The following CCSER1 variants were observed in gnomAD, a reference collection of about 807,000 sequenced individuals.
CCSER1 encodes coiled-coil serine rich protein 1.
A neutral mutation model predicts 82.0 loss-of-function variants in CCSER1; 41 were observed. That is an observed-to-expected ratio of 0.50 (90% confidence interval 0.39 to 0.65). CCSER1 has a LOEUF of 0.65. Ranked by LOEUF, CCSER1 falls within the 30% of genes least tolerant of loss-of-function variation. The pLI, the probability that CCSER1 is intolerant of heterozygous loss-of-function variation, is 0.00. For synonymous variants in CCSER1, 414 were observed against 383.9 expected (o/e 1.08, Z -0.92); for missense variants, 1,119 against 1,064.2 (o/e 1.05, Z -0.72).
intron 5 of CCSER1, among the ~76,000 whole-genome samples, chr4:90,604,851 A>G (rs1048926089): frequency 6.6e-6 from 1 of 152,186 alleles, no homozygotes; most frequent in African/African-American, 2.4e-5. Context: ...AAACACACCA[A>G]TCAGCACCCT....
intron 10 of CCSER1, among the ~76,000 whole-genome samples, chr4:91,322,283 CA>C (rs1746250378): frequency 6.6e-6 from 1 of 151,968 alleles, no homozygotes; most frequent in African/African-American, 2.4e-5. Flanking sequence ...GTGAGTGGCT[CA>C]ATTTAATTTT....
At chr4:91,350,211 TA>T (rs1748378428) in intron 10 of CCSER1, among the ~76,000 whole-genome samples, 2 of 152,334 alleles carry the variant, frequency 1.3e-5, no homozygotes, top group East Asian at 3.9e-4. Context: ...ATTTCTGTAT[TA>T]AATTGAATTT....
intron 10 of CCSER1, among the ~76,000 whole-genome samples, chr4:91,597,718 T>C (rs528606016): frequency 6.6e-6 from 1 of 152,268 alleles, no homozygotes; most frequent in Non-Finnish European, 1.5e-5. Flanking sequence ...TGTCTGTTTC[T>C]CTTCATTTTT....
At chr4:90,746,813 A>T (rs1366316976) in intron 7 of CCSER1, among the ~76,000 whole-genome samples, 1 of 152,194 alleles carries the variant, frequency 6.6e-6, no homozygotes, top group Non-Finnish European at 1.5e-5. Flanking sequence ...AATACACCAG[A>T]CTATTGTCTT....
At chr4:90,724,996 G>A in intron 7 of CCSER1, 4 of 436,752 alleles carry the variant, frequency 9.2e-6, no homozygotes, top group Non-Finnish European at 1.8e-5. Context: ...ACACTTTTTT[G>A]CTTAATGAGA....
intron 3 of CCSER1, among the ~76,000 whole-genome samples, chr4:90,334,553 C>CAAA (rs11393986): frequency 6.8e-6 from 1 of 147,456 alleles, no homozygotes. Flanking sequence ...ACTTTGCTGC[C>CAAA]AAAAAAAAAA....
At chr4:90,528,724 A>C (rs1354459224) in intron 5 of CCSER1, among the ~76,000 whole-genome samples, 1 of 152,212 alleles carries the variant, frequency 6.6e-6, no homozygotes, top group East Asian at 1.9e-4. Flanking sequence ...AGTAAATTTG[A>C]TTAAAATTTT....
intron 5 of CCSER1, among the ~76,000 whole-genome samples, chr4:90,591,406 T>C (rs914731351): frequency 1.3e-5 from 2 of 152,140 alleles, no homozygotes; most frequent in African/African-American, 2.4e-5. Context: ...AAAGAAGACA[T>C]TGATGCGGCC....
intron 10 of CCSER1, among the ~76,000 whole-genome samples, chr4:91,322,645 G>C (rs1272594467): frequency 1.3e-5 from 2 of 151,918 alleles, no homozygotes; most frequent in East Asian, 3.9e-4. Context: ...AAATTAAGGG[G>C]AAACATGAAC....
intron 7 of CCSER1, among the ~76,000 whole-genome samples, chr4:90,786,487 A>G (rs1754534979): frequency 7.2e-6 from 1 of 138,214 alleles, no homozygotes; most frequent in Non-Finnish European, 1.6e-5. Flanking sequence ...TACTGTAATC[A>G]TTTTACTCAA....
chr4:91,218,829 CTG>C (rs1363741094), intron 10 of CCSER1, among the ~76,000 whole-genome samples: 1 of 152,176 alleles, frequency 6.6e-6, no homozygotes, highest in African/African-American at 2.4e-5. Context: ...CTCCTGGAAA[CTG>C]TGATTGATTC....
chr4:91,184,720 C>A (rs1287563182), intron 10 of CCSER1, among the ~76,000 whole-genome samples: 1 of 152,158 alleles, frequency 6.6e-6, no homozygotes, highest in Non-Finnish European at 1.5e-5. Context: ...AAATTATTTC[C>A]TAATCTTTGG....
chr4:90,425,881 A>G (rs566551831), intron 4 of CCSER1, among the ~76,000 whole-genome samples: 2,689 of 152,232 alleles, frequency 0.018, 34 homozygotes, highest in African/African-American at 0.038. Context: ...GTAACAAATA[A>G]AGCTGTGCAG....
chr4:91,340,010 A>G (rs1747604698), intron 10 of CCSER1, among the ~76,000 whole-genome samples: 1 of 152,146 alleles, frequency 6.6e-6, no homozygotes, highest in Admixed American at 6.5e-5. Flanking sequence ...CCAGCAATTC[A>G]GTAGGCTGAG....
At chr4:90,683,520 T>C (rs778777420) in intron 6 of CCSER1, among the ~76,000 whole-genome samples, 8 of 152,014 alleles carry the variant, frequency 5.3e-5, no homozygotes, top group African/African-American at 7.2e-5. Context: ...ATCTTACCAA[T>C]TGCTAAAAAG....
chr4:91,462,111 A>C (rs146002056), intron 10 of CCSER1, among the ~76,000 whole-genome samples: 77 of 152,260 alleles, frequency 5.1e-4, no homozygotes, highest in African/African-American at 1.8e-3. Context: ...AGATTATATA[A>C]ATGTAATCTT....
chr4:90,519,608 G>A lies in CCSER1; in HGVS notation c.1724+51254G>A, dbSNP rs550302642. On this transcript the variant is annotated intron_variant, in intron 5 of 10. Transcript: ENST00000509176. Reference sequence around the variant, plus strand: ...TTACAATTTTTTTATTTCTAAAACAGAGGCTGATTTTATTAAATAACATTG... The same window carrying A: ...TTACAATTTTTTTATTTCTAAAACAAAGGCTGATTTTATTAAATAACATTG... Among the ~76,000 whole-genome samples the A allele has an allele frequency of 2.6e-5, 4 of 152,002 alleles. No homozygotes were observed. The South Asian group carries it at 8.3e-4, about 31-fold the overall frequency.
chr4:90,837,817 T>A (rs1008559267), intron 8 of CCSER1, among the ~76,000 whole-genome samples: 1 of 152,142 alleles, frequency 6.6e-6, no homozygotes, highest in Non-Finnish European at 1.5e-5. Flanking sequence ...CAGTTATAAA[T>A]TTTTAATTAT....
At chr4:91,451,419 T>C (rs371728361) in intron 10 of CCSER1, among the ~76,000 whole-genome samples, 12 of 151,940 alleles carry the variant, frequency 7.9e-5, no homozygotes, top group African/African-American at 2.9e-4. Context: ...CTAAAGTAAA[T>C]TTGAAAAATA....
Sources: gnomAD v4.1 joint callset for allele counts (sites outside exome capture counted in the v4.1 genomes callset) on GRCh38, gnomAD v4.1.1 for gene constraint, MANE v1.5 for transcripts, NCBI Gene and HGNC (gene_info 2026-07-23, HGNC 2026-07-21) for gene names.